Variants in PITPNM2 observed in about 807,000 individuals in gnomAD.
PITPNM2 encodes the protein phosphatidylinositol transfer protein membrane associated 2, also known as membrane-associated phosphatidylinositol transfer protein 2.
In PITPNM2, 35 loss-of-function variants were observed where a neutral mutation model predicts 132.2. The observed-to-expected ratio is 0.26, with a 90% confidence interval of 0.20 to 0.35. The LOEUF is 0.35. Ranked by LOEUF, PITPNM2 falls within the 10% of genes least tolerant of loss-of-function variation. The probability of loss-of-function intolerance (pLI) is 1.00; values close to 1 mark genes in which losing one functional copy is unlikely to be tolerated. For missense variants in PITPNM2, 1,332 were observed against 1,912.0 expected, an observed-to-expected ratio of 0.70 and a Z score of 5.66; for synonymous variants, 738 against 799.2, an observed-to-expected ratio of 0.92 and a Z score of 1.29.
At chr12:123,042,359 G>T (rs544612326) in intron 2 of PITPNM2, among the ~76,000 whole-genome samples, 3 of 152,220 alleles carry the variant, frequency 2.0e-5, no homozygotes, top group Non-Finnish European at 4.4e-5. Flanking sequence ...TCCTTTAAGC[G>T]GAGGCCATGA....
intron 2 of PITPNM2, chr12:123,090,788 G>A (rs2042239362): frequency 1.3e-5 from 2 of 152,296 alleles, no homozygotes; most frequent in Non-Finnish European, 2.9e-5. Context: ...ATGACTATGG[G>A]GATGGGAGAC....
chr12:123,140,889 G>A (rs2043492081), intron 1 of PITPNM2, among the ~76,000 whole-genome samples: 1 of 151,604 alleles, frequency 6.6e-6, no homozygotes, highest in Non-Finnish European at 1.5e-5. Flanking sequence ...GCATCCCTTT[G>A]GCCTCTTTGA....
At chr12:123,143,464 T>G (rs1430571844) in intron 1 of PITPNM2, among the ~76,000 whole-genome samples, 1 of 152,024 alleles carries the variant, frequency 6.6e-6, no homozygotes, top group African/African-American at 2.4e-5. Context: ...ACAGTAATAA[T>G]CCGTATGACG....
chr12:122,986,017 T>A lies in PITPNM2; in HGVS notation c.*10A>T. On this transcript the variant is annotated 3_prime_UTR_variant, in exon 26 of 26. Transcript: ENST00000320201. Reference sequence around the variant, plus strand: ...GCACCATGGAGACCCCGCGCTGCACTCACGGTGCCCTACTTGGGGCCCGCG... The same window carrying A: ...GCACCATGGAGACCCCGCGCTGCACACACGGTGCCCTACTTGGGGCCCGCG... The A allele has an allele frequency of 7.2e-7, 1 of 1,393,556 alleles. No individual in the cohort carries two copies. The highest frequency in any genetic ancestry group is 1.6e-5 in the South Asian group (1 of 62,342). 86.3% of individuals were successfully genotyped at this position (1,393,556 alleles called of 1,614,324 possible).
intron 18 of PITPNM2, among the ~76,000 whole-genome samples, chr12:122,989,536 T>C (rs1170032023): frequency 1.3e-5 from 2 of 152,168 alleles, no homozygotes; most frequent in Non-Finnish European, 2.9e-5. Flanking sequence ...CCCTAGGTTC[T>C]GCCCACAGCT....
intron 20 of PITPNM2, 123 bp downstream of exon 20, chr12:122,988,111 A>G (rs2038016858): frequency 1.7e-5 from 16 of 965,146 alleles, no homozygotes; most frequent in Non-Finnish European, 2.6e-5. Flanking sequence ...GACAGCTCCA[A>G]CCTCATGGCC....
intron 2 of PITPNM2, among the ~76,000 whole-genome samples, chr12:123,074,596 T>C (rs185162535): frequency 3.6e-3 from 550 of 151,606 alleles, no homozygotes; most frequent in Non-Finnish European, 5.6e-3. Context: ...ACACCTCACA[T>C]AGACACACAC....
chr12:123,073,312 G>T (rs2041670698), intron 2 of PITPNM2, among the ~76,000 whole-genome samples: 1 of 152,116 alleles, frequency 6.6e-6, no homozygotes, highest in Non-Finnish European at 1.5e-5. Context: ...CTTCCCTTTT[G>T]TTCCATCTGC....
rs2040276924 is a variant in PITPNM2, at chr12:123,036,614, C to A, written c.-95-1929G>T. 6.6e-6 allele frequency among the ~76,000 whole-genome samples: 1 copy of A among 152,204 alleles called. No individual in the cohort carries two copies. The highest frequency in any genetic ancestry group is 1.9e-4 in the East Asian group (1 of 5,198). On this transcript the variant is annotated intron_variant, in intron 2 of 25. Coordinates refer to ENST00000320201, the MANE Select transcript of PITPNM2 (RefSeq NM_020845.3). The surrounding 1 kb of genome is among the most constrained non-coding windows in gnomAD (Gnocchi z 4.1). ...GATTAGAGCCTAGATACTTTATATACCCCAGAAACTGCACCCAACATCTGC... is the reference window on the plus strand; with the variant it reads ...GATTAGAGCCTAGATACTTTATATAACCCAGAAACTGCACCCAACATCTGC...
intron 1 of PITPNM2, among the ~76,000 whole-genome samples, chr12:123,112,908 C>A (rs535916166): frequency 1.3e-5 from 2 of 152,086 alleles, no homozygotes; most frequent in Non-Finnish European, 2.9e-5. Context: ...AAAAAGATAC[C>A]TTAGGGGACA....
chr12:123,017,073 A>G (rs1281598221), intron 3 of PITPNM2, among the ~76,000 whole-genome samples: 2 of 146,148 alleles, frequency 1.4e-5, no homozygotes, highest in African/African-American at 5.1e-5. Context: ...AAAAAAGAAA[A>G]GATAATAGTT....
At chr12:123,041,487 C>T (rs2040471794) in intron 2 of PITPNM2, among the ~76,000 whole-genome samples, 1 of 152,132 alleles carries the variant, frequency 6.6e-6, no homozygotes, top group South Asian at 2.1e-4. Flanking sequence ...GAGCTGAGGC[C>T]AGGGAGCATG....
At chr12:123,070,083 T>A (rs1566277338) in intron 2 of PITPNM2, among the ~76,000 whole-genome samples, 1 of 152,158 alleles carries the variant, frequency 6.6e-6, no homozygotes, top group African/African-American at 2.4e-5. Flanking sequence ...GCTGATAAGA[T>A]ACAGCCCAGG....
rs2042376036 is a variant in PITPNM2 at position 123,095,226 on chromosome 12, T to C, written c.-96+15159A>G. Among the ~76,000 whole-genome samples, 1 of 152,096 alleles carries C rather than the reference T, an allele frequency of 6.6e-6. No homozygotes were observed. The highest frequency in any genetic ancestry group is 1.5e-5 in the Non-Finnish European group (1 of 68,024). On this transcript the variant is annotated intron_variant, in intron 2 of 25. Transcript: ENST00000320201. The surrounding 1 kb of genome is among the most constrained non-coding windows in gnomAD (Gnocchi z 5.0). Reference sequence around the variant, plus strand: ...CCCCTGGGGAGTCGGTTATCTCTGCTCCAGACCCTGGCTTTTGGCAGTAGC... The same window carrying C: ...CCCCTGGGGAGTCGGTTATCTCTGCCCCAGACCCTGGCTTTTGGCAGTAGC...
chr12:123,052,437 A>T (rs1006756121), intron 2 of PITPNM2, among the ~76,000 whole-genome samples: 4 of 152,194 alleles, frequency 2.6e-5, no homozygotes, highest in Admixed American at 2.6e-4. Flanking sequence ...TGAGCAACAC[A>T]GGGAGACCTC....
chr12:123,007,485 G>A (rs886924590), intron 6 of PITPNM2: 17 of 441,976 alleles, frequency 3.8e-5, no homozygotes, highest in Non-Finnish European at 7.7e-5. Flanking sequence ...ATGCTGAGCG[G>A]GTTTGCAAGC....
At chr12:123,019,941 T>C (rs2039602232) in intron 3 of PITPNM2, among the ~76,000 whole-genome samples, 2 of 151,790 alleles carry the variant, frequency 1.3e-5, no homozygotes, top group African/African-American at 4.8e-5. Flanking sequence ...ACAGGACAGA[T>C]ATGCTGGGTA....
At position 123,004,431 on chromosome 12, in the gene PITPNM2, C is replaced by T. The variant is rs369669482; in HGVS notation, c.1011G>A (p.Ser337=). The change falls in exon 8 of 26, where the codon TCG becomes TCA. Residue 337 remains serine (S), a synonymous_variant. Transcript: ENST00000320201. The surrounding 1 kb of genome is among the most constrained non-coding windows in gnomAD (Gnocchi z 4.9). ...AGAACTCATCATCTGAGCTCTCATC[C>T]GAGTCCCTGGCAATACTCTGCATCC... is the stretch of plus-strand genomic sequence containing the variant. ...EWRMQSIARD[S]DESSDDEFFD... is the part of the protein sequence containing the mutation. 23 of 1,613,876 alleles carry T rather than the reference C, an allele frequency of 1.4e-5. No homozygotes were observed. Among genetic ancestry groups the T allele is most frequent in the East Asian group, 4.5e-5 (2 of 44,898 alleles).
chr12:123,132,521 C>CTTTT (rs10658758), intron 1 of PITPNM2, among the ~76,000 whole-genome samples: 46 of 145,040 alleles, frequency 3.2e-4, no homozygotes, highest in African/African-American at 1.1e-3. Flanking sequence ...TTTTCTTTCC[C>CTTTT]TTTTTTTTTT....
Sources: gnomAD v4.1 joint callset for allele counts (sites outside exome capture counted in the v4.1 genomes callset) on GRCh38, gnomAD v4.1.1 for gene constraint, Gnocchi (gnomAD v3.1) non-coding constraint, MANE v1.5 for transcripts, NCBI Gene and HGNC (gene_info 2026-07-23, HGNC 2026-07-21) for gene names.